CNTN6: variants seen among roughly 807,000 people sequenced by gnomAD.
The protein encoded by CNTN6 is contactin 6.
In CNTN6, 137 loss-of-function variants were observed where a neutral mutation model predicts 122.8. The ratio of observed to expected loss-of-function variants is 1.12; its 90% confidence interval spans 0.97 to 1.29. The LOEUF (loss-of-function observed/expected upper bound fraction) is 1.29. Among genes scored for constraint, CNTN6 ranks in the 50% most tolerant of loss-of-function variants. The pLI is 0.00. For synonymous variants in CNTN6, 570 were observed against 426.0 expected (o/e 1.34, Z -4.16); for missense variants, 1,634 against 1,223.4 (o/e 1.34, Z -5.01).
chr3:1,222,311 T>C (rs1417986126), intron 3 of CNTN6, among the ~76,000 whole-genome samples: 1 of 152,162 alleles, frequency 6.6e-6, no homozygotes, highest in African/African-American at 2.4e-5. Flanking sequence ...TATATGAAAA[T>C]TTGATTAATA....
At chr3:1,293,919 G>T (rs767718838) in intron 5 of CNTN6, among the ~76,000 whole-genome samples, 1 of 152,090 alleles carries the variant, frequency 6.6e-6, no homozygotes, top group Non-Finnish European at 1.5e-5. Flanking sequence ...ATTTGCTTTT[G>T]CTCAAAGATT....
chr3:1,166,041 A>C (rs2093240287), intron 2 of CNTN6, among the ~76,000 whole-genome samples: 1 of 152,208 alleles, frequency 6.6e-6, no homozygotes, highest in Non-Finnish European at 1.5e-5. Context: ...ATGCATGAGG[A>C]AAGAGAAGTA....
At chr3:1,298,244 A>G in intron 7 of CNTN6, 1 of 386,142 alleles carries the variant, frequency 2.6e-6, no homozygotes, top group Non-Finnish European at 4.7e-6. Flanking sequence ...TTTAAGCATA[A>G]TGAGACCCAT....
chr3:1,122,832 T>C (rs371472689), intron 1 of CNTN6, among the ~76,000 whole-genome samples: 84 of 151,984 alleles, frequency 5.5e-4, no homozygotes, highest in African/African-American at 2.0e-3. Context: ...ATATCACAAT[T>C]TGTTTGTTAG....
chr3:1,238,895 A>T (rs1389595755), intron 4 of CNTN6, among the ~76,000 whole-genome samples: 4 of 152,192 alleles, frequency 2.6e-5, no homozygotes, highest in African/African-American at 9.6e-5. Flanking sequence ...ACTGTTAGTG[A>T]GATTAACCAA....
intron 1 of CNTN6, among the ~76,000 whole-genome samples, chr3:1,144,051 T>A (rs2092672393): frequency 6.6e-6 from 1 of 152,196 alleles, no homozygotes; most frequent in Admixed American, 6.5e-5. Context: ...TACCACCAGG[T>A]TGTTCAGCTG....
chr3:1,123,773 G>A (rs1472792302), intron 1 of CNTN6, among the ~76,000 whole-genome samples: 3 of 151,956 alleles, frequency 2.0e-5, no homozygotes, highest in Admixed American at 2.0e-4. Context: ...CGATCAGAGT[G>A]GGACAGATGT....
At chr3:1,308,137 GACTC>G (rs1698649506) in intron 7 of CNTN6, among the ~76,000 whole-genome samples, 1 of 152,096 alleles carries the variant, frequency 6.6e-6, no homozygotes, top group Non-Finnish European at 1.5e-5. Context: ...TGTCAGTACT[GACTC>G]ACATATAATT....
intron 12 of CNTN6, among the ~76,000 whole-genome samples, chr3:1,365,510 A>G (rs1438624894): frequency 6.6e-6 from 1 of 152,024 alleles, no homozygotes; most frequent in East Asian, 1.9e-4. Context: ...TCATGAAAGC[A>G]ACATTTCCGG....
At chr3:1,385,841 A>G in intron 20 of CNTN6, 44 bp downstream of exon 20, 2 of 1,508,848 alleles carry the variant, frequency 1.3e-6, no homozygotes, top group Non-Finnish European at 1.8e-6. Context: ...ATCTGTGAAG[A>G]GCAACCTATT....
At chr3:1,377,675 C>A (rs1004290472) in intron 17 of CNTN6, among the ~76,000 whole-genome samples, 1 of 152,092 alleles carries the variant, frequency 6.6e-6, no homozygotes, top group African/African-American at 2.4e-5. Context: ...TATCTCAGTG[C>A]CTCAGCCTAA....
At chr3:1,311,342 A>C (rs1208484896) in intron 7 of CNTN6, among the ~76,000 whole-genome samples, 1 of 138,272 alleles carries the variant, frequency 7.2e-6, no homozygotes, top group East Asian at 2.2e-4. Context: ...ATGTACATAT[A>C]AAATGTCTTT....
At chr3:1,332,275 T>C (rs1702396483) in intron 11 of CNTN6, among the ~76,000 whole-genome samples, 2 of 151,982 alleles carry the variant, frequency 1.3e-5, no homozygotes, top group African/African-American at 4.8e-5. Context: ...CATGAGTCTA[T>C]GTCCCTGCAC....
intron 4 of CNTN6, among the ~76,000 whole-genome samples, chr3:1,228,442 G>C (rs1202130098): frequency 1.3e-5 from 2 of 152,168 alleles, no homozygotes; most frequent in Non-Finnish European, 2.9e-5. Context: ...TGGAAATAAA[G>C]TGGTTGCCAA....
intron 7 of CNTN6, among the ~76,000 whole-genome samples, chr3:1,315,296 A>C (rs1335074175): frequency 6.6e-6 from 1 of 152,030 alleles, no homozygotes; most frequent in African/African-American, 2.4e-5. Flanking sequence ...AACATGGACA[A>C]ACTACACAGA....
At chr3:1,158,831 TACACAC>T (rs376341841) in intron 2 of CNTN6, among the ~76,000 whole-genome samples, 2 of 123,592 alleles carry the variant, frequency 1.6e-5, no homozygotes, top group African/African-American at 7.7e-5. Flanking sequence ...CACATATATA[TACACAC>T]ACATATATAT....
chr3:1,253,699 G>A (rs1032682461), intron 4 of CNTN6, among the ~76,000 whole-genome samples: 1 of 152,020 alleles, frequency 6.6e-6, no homozygotes, highest in Non-Finnish European at 1.5e-5. Flanking sequence ...TCACAATAGG[G>A]TTCACACTCC....
At chr3:1,351,350 A>T (rs1705597674) in intron 11 of CNTN6, among the ~76,000 whole-genome samples, 1 of 151,982 alleles carries the variant, frequency 6.6e-6, no homozygotes, top group East Asian at 1.9e-4. Flanking sequence ...TCTTGCCTTT[A>T]AAACTGTTGT....
intron 4 of CNTN6, among the ~76,000 whole-genome samples, chr3:1,261,650 A>T (rs535968026): frequency 6.6e-6 from 1 of 152,124 alleles, no homozygotes; most frequent in Non-Finnish European, 1.5e-5. Context: ...CTGTCCCCCA[A>T]TGTGACAGGT....
Sources: gnomAD v4.1 joint callset for allele counts (sites outside exome capture counted in the v4.1 genomes callset) on GRCh38, gnomAD v4.1.1 for gene constraint, MANE v1.5 for transcripts, NCBI Gene and HGNC (gene_info 2026-07-23, HGNC 2026-07-21) for gene names.